DTX4: variants seen among roughly 807,000 people sequenced by gnomAD.
DTX4 encodes E3 ubiquitin-protein ligase DTX4.
Under a neutral mutation model 57.6 loss-of-function variants are expected in DTX4, and 28 were observed. The ratio of observed to expected loss-of-function variants is 0.49; its 90% CI spans 0.36 to 0.67. The LOEUF is 0.67. Among genes scored for constraint, DTX4 ranks in the 30% least tolerant of loss-of-function variants. The probability of loss-of-function intolerance (pLI) is 0.00; values close to 1 mark genes in which losing one functional copy is unlikely to be tolerated. For synonymous variants in DTX4, 316 were observed against 331.0 expected (o/e 0.95, Z 0.49); for missense variants, 715 against 836.8 (o/e 0.85, Z 1.80).
intron 7 of DTX4, among the ~76,000 whole-genome samples, chr11:59,197,510 C>T (rs565879143): frequency 1.9e-4 from 29 of 152,044 alleles, no homozygotes; most frequent in African/African-American, 4.3e-4. Context: ...AGTACCAGGG[C>T]GGGGGTCGTG....
rs994517434 is a variant in DTX4 at position 59,205,010 on chromosome 11, C to T, written c.*101C>T. On this transcript the variant is annotated 3_prime_UTR_variant, in exon 9 of 9. Transcript: ENST00000227451. ...AGAAGTTGGTGTCCTGCCCTCCCAA[C>T]TTTCTATCCTCCCCTCCTGCCCTGT... is the stretch of plus-strand genomic sequence containing the variant. 5.8e-5 allele frequency: 60 copies of T among 1,025,862 alleles called. No homozygotes were observed. The highest frequency in any genetic ancestry group is 8.1e-5 in the Non-Finnish European group (56 of 692,682). The allele number at this position is 1,025,862 out of a possible 1,614,324, so 63.5% of individuals were successfully genotyped here. A position where few individuals can be genotyped will look rare whatever the true frequency, so the allele number is the denominator to read the frequency against.
chr11:59,187,416 G>A (rs1862541951), intron 2 of DTX4, among the ~76,000 whole-genome samples: 1 of 152,194 alleles, frequency 6.6e-6, no homozygotes, highest in Non-Finnish European at 1.5e-5. Flanking sequence ...GGGGGGAGGT[G>A]AGCTCTGTGC....
At chr11:59,194,056 C>G (rs1862632529) in intron 6 of DTX4, among the ~76,000 whole-genome samples, 2 of 152,166 alleles carry the variant, frequency 1.3e-5, no homozygotes, top group South Asian at 4.1e-4. Context: ...TCACCAGGTC[C>G]TGCAGTGAAA....
chr11:59,199,920 G>A, intron 8 of DTX4, 147 bp downstream of exon 8: 1 of 676,294 alleles, frequency 1.5e-6, no homozygotes, highest in East Asian at 2.8e-5. Context: ...ACAGTAACAA[G>A]GTCAAATTTG....
chr11:59,171,733 C>T (rs1422233410), upstream of DTX4, among the ~76,000 whole-genome samples: 1 of 151,896 alleles, frequency 6.6e-6, no homozygotes, highest in Admixed American at 6.6e-5. Flanking sequence ...GGTGCGCGCG[C>T]GTGTGTGTGC....
chr11:59,172,418 G>C lies in DTX4; in HGVS notation c.-178G>C, dbSNP rs1862337273. ...CAGGCGGCCCCGGTGTCCCGGCCCC[G>C]GTGGATGCACGGCTGGGGAGGAGCC... On this transcript the variant is annotated 5_prime_UTR_variant, in exon 1 of 9. Transcript: ENST00000227451. 1 of 200,536 alleles carries C rather than the reference G, an allele frequency of 5.0e-6. No individual in the cohort carries two copies. Among genetic ancestry groups the C allele is most frequent in the African/African-American group, 2.4e-5 (1 of 42,222 alleles). The allele number at this position is 200,536 out of a possible 1,614,324, so 12.4% of individuals were successfully genotyped here. A position where few individuals can be genotyped will look rare whatever the true frequency, so the allele number is the denominator to read the frequency against.
intron 8 of DTX4, among the ~76,000 whole-genome samples, chr11:59,203,065 C>T (rs1219071628): frequency 6.6e-6 from 1 of 152,094 alleles, no homozygotes; most frequent in Non-Finnish European, 1.5e-5. Flanking sequence ...AGGCACTTAC[C>T]ACGAATGGTA....
chr11:59,174,829 A>C (rs912756063), intron 1 of DTX4, among the ~76,000 whole-genome samples: 1 of 152,140 alleles, frequency 6.6e-6, no homozygotes, highest in Non-Finnish European at 1.5e-5. Flanking sequence ...CAGGCAGAGA[A>C]CTTGCCCTGA....
At chr11:59,175,028 T>A (rs993665477) in intron 1 of DTX4, among the ~76,000 whole-genome samples, 1 of 152,152 alleles carries the variant, frequency 6.6e-6, no homozygotes, top group East Asian at 1.9e-4. Context: ...CAAAGAAGAA[T>A]AGAAGAATCT....
At chr11:59,175,510 T>C (rs977984758) in intron 1 of DTX4, among the ~76,000 whole-genome samples, 7 of 152,168 alleles carry the variant, frequency 4.6e-5, no homozygotes, top group African/African-American at 1.7e-4. Flanking sequence ...CCAGACTGCC[T>C]AGAGGTCTGA....
intron 1 of DTX4, among the ~76,000 whole-genome samples, chr11:59,179,837 A>G (rs539068708): frequency 6.6e-6 from 1 of 152,078 alleles, no homozygotes; most frequent in South Asian, 2.1e-4. Context: ...AGTGACCGAG[A>G]AGAAAATCCT....
At chr11:59,196,074 T>A (rs1862664087) in intron 7 of DTX4, among the ~76,000 whole-genome samples, 1 of 152,246 alleles carries the variant, frequency 6.6e-6, no homozygotes, top group Admixed American at 6.5e-5. Context: ...TTCTGAGTGT[T>A]CTGGGCCGTT....
In DTX4 at chr11:59,191,103, T is replaced by G; in HGVS notation, c.1160-11T>G. 6.4e-7 allele frequency: 1 copy of G among 1,565,310 alleles called. No homozygotes were observed. Among genetic ancestry groups the G allele is most frequent in the Non-Finnish European group, 8.7e-7 (1 of 1,154,672 alleles). On this transcript the variant is annotated splice_polypyrimidine_tract_variant and intron_variant, in intron 4 of 8. Coordinates refer to ENST00000227451, the MANE Select transcript of DTX4 (RefSeq NM_015177.2). ...TGCCTTGGTGGCCCACTGAACCTCC[T>G]GTCTCTGCAGGTAAAACCCCAGAGG...
intron 6 of DTX4, among the ~76,000 whole-genome samples, chr11:59,194,439 C>T (rs1862637440): frequency 6.6e-6 from 1 of 152,202 alleles, no homozygotes; most frequent in African/African-American, 2.4e-5. Context: ...TACTCCAGCT[C>T]TTAGTGGCCA....
chr11:59,193,519 A>C (rs1267536091), intron 6 of DTX4, among the ~76,000 whole-genome samples: 1 of 152,178 alleles, frequency 6.6e-6, no homozygotes, highest in Non-Finnish European at 1.5e-5. Flanking sequence ...CTTGCATTTC[A>C]AGAAGTTATT....
At chr11:59,203,769 CT>C (rs1403378968) in intron 8 of DTX4, among the ~76,000 whole-genome samples, 1 of 152,226 alleles carries the variant, frequency 6.6e-6, no homozygotes, top group African/African-American at 2.4e-5. Context: ...CAAAATGTCA[CT>C]ATGTGTGGCA....
chr11:59,194,217 C>T (rs1185678158), intron 6 of DTX4, among the ~76,000 whole-genome samples: 1 of 152,132 alleles, frequency 6.6e-6, no homozygotes, highest in Non-Finnish European at 1.5e-5. Context: ...TTCCTCTCTA[C>T]AAAAAGGGGC....
intron 2 of DTX4, among the ~76,000 whole-genome samples, chr11:59,187,047 G>T (rs1346196080): frequency 6.6e-6 from 1 of 152,202 alleles, no homozygotes; most frequent in African/African-American, 2.4e-5. Context: ...GTTAGAGCTG[G>T]GGAAGAACCT....
intron 6 of DTX4, among the ~76,000 whole-genome samples, chr11:59,194,121 A>G (rs1862633412): frequency 1.3e-5 from 2 of 152,164 alleles, no homozygotes; most frequent in Admixed American, 6.5e-5. Flanking sequence ...TAATGGAGCC[A>G]CCGAGTTGCA....
Sources: gnomAD v4.1 joint callset for allele counts (sites outside exome capture counted in the v4.1 genomes callset) on GRCh38, gnomAD v4.1.1 for gene constraint, MANE v1.5 for transcripts, NCBI Gene and HGNC (gene_info 2026-07-23, HGNC 2026-07-21) for gene names.